VCF1: variants seen among roughly 807,000 people sequenced by gnomAD.
The protein encoded by VCF1 is protein VCF1.
chr17:73,209,819 G>A, the VCF1 span: 1 of 1,532,886 alleles, frequency 6.5e-7, no homozygotes, highest in Non-Finnish European at 8.7e-7. Context: ...TTTTGTTTAA[G>A]AGCTTTACTG....
chr17:73,232,020 C>G, the VCF1 span: 2,753 of 1,473,742 alleles, frequency 1.9e-3, 49 homozygotes, highest in African/African-American at 0.034. Context: ...CCATTTCGCG[C>G]GCCCCCTCGG....
the VCF1 span, among the ~76,000 whole-genome samples, chr17:73,231,934 C>G: frequency 6.6e-6 from 1 of 152,182 alleles, no homozygotes; most frequent in Non-Finnish European, 1.5e-5. Context: ...ATCACTCGCG[C>G]ATCCCTCTCC....
the VCF1 span, among the ~76,000 whole-genome samples, chr17:73,224,914 GGA>G: frequency 1.3e-5 from 2 of 149,910 alleles, no homozygotes; most frequent in African/African-American, 2.5e-5. Context: ...GGACAGGACA[GGA>G]CAGGACAGGA....
the VCF1 span, chr17:73,207,417 T>C: frequency 7.9e-6 from 6 of 763,274 alleles, no homozygotes; most frequent in South Asian, 1.5e-5. Flanking sequence ...AAGGTTTTAC[T>C]AGCTTGAGCT....
the VCF1 span, among the ~76,000 whole-genome samples, chr17:73,224,889 G>A: frequency 7.7e-6 from 1 of 130,324 alleles, no homozygotes; most frequent in Non-Finnish European, 1.6e-5. Flanking sequence ...GCACAGCACA[G>A]GACAGGACAG....
the VCF1 span, among the ~76,000 whole-genome samples, chr17:73,219,144 T>C: frequency 6.7e-6 from 1 of 148,298 alleles, no homozygotes; most frequent in African/African-American, 2.5e-5. Flanking sequence ...TGAGCCAAGA[T>C]TGTGCCATAG....
chr17:73,226,764 T>C, the VCF1 span, among the ~76,000 whole-genome samples: 3 of 152,198 alleles, frequency 2.0e-5, no homozygotes, highest in African/African-American at 4.8e-5. Flanking sequence ...ACCTTACATA[T>C]TTTACATGCT....
chr17:73,212,249 A>C, the VCF1 span, among the ~76,000 whole-genome samples: 1 of 152,090 alleles, frequency 6.6e-6, no homozygotes, highest in East Asian at 1.9e-4. Flanking sequence ...TTGACCAAAA[A>C]TTACATCCAA....
the VCF1 span, chr17:73,232,224 C>A: frequency 6.2e-7 from 1 of 1,611,466 alleles, no homozygotes; most frequent in Non-Finnish European, 8.5e-7. Context: ...CGCAGCCGCT[C>A]GGGTGGACGC....
chr17:73,209,794 G>A, the VCF1 span: 5 of 1,537,506 alleles, frequency 3.3e-6, no homozygotes, highest in Non-Finnish European at 4.4e-6. Context: ...AAGAAACAGG[G>A]TCACAATAAG....
At chr17:73,210,290 G>C in the VCF1 span, among the ~76,000 whole-genome samples, 3 of 152,044 alleles carry the variant, frequency 2.0e-5, no homozygotes, top group East Asian at 5.8e-4. Flanking sequence ...TGTAACTGCA[G>C]GACACAGACC....
At chr17:73,232,255 C>A in the VCF1 span, 1 of 1,611,260 alleles carries the variant, frequency 6.2e-7, no homozygotes, top group Non-Finnish European at 8.5e-7. Context: ...GAGTACCCCT[C>A]AGTCGGACCC....
chr17:73,209,854 A>AAT, the VCF1 span: 2 of 1,504,380 alleles, frequency 1.3e-6, no homozygotes, highest in East Asian at 4.9e-5. Context: ...GCGCTCTATT[A>AAT]AGAGTACCTT....
At chr17:73,219,453 T>C in the VCF1 span, among the ~76,000 whole-genome samples, 1 of 151,046 alleles carries the variant, frequency 6.6e-6, no homozygotes, top group African/African-American at 2.4e-5. Flanking sequence ...ATTGAGACCA[T>C]CCTGGCGAAC....
At chr17:73,229,867 CAAAAAAAAAAAAA>C in the VCF1 span, among the ~76,000 whole-genome samples, 13 of 22,624 alleles carry the variant, frequency 5.7e-4, no homozygotes, top group Admixed American at 1.4e-3. Flanking sequence ...GACTCCATCT[CAAAAAAAAAAAAA>C]AAAAAAAAAA....
the VCF1 span, among the ~76,000 whole-genome samples, chr17:73,213,308 T>C: frequency 6.6e-6 from 1 of 151,978 alleles, no homozygotes; most frequent in Non-Finnish European, 1.5e-5. Flanking sequence ...ACAACCTAAA[T>C]GTCTAATAGA....
the VCF1 span, among the ~76,000 whole-genome samples, chr17:73,230,067 C>G: frequency 6.6e-6 from 1 of 151,862 alleles, no homozygotes; most frequent in Non-Finnish European, 1.5e-5. Context: ...GATGCCGAGG[C>G]GGGTGGATCC....
At chr17:73,217,836 G>T in the VCF1 span, among the ~76,000 whole-genome samples, 4 of 151,938 alleles carry the variant, frequency 2.6e-5, no homozygotes, top group Non-Finnish European at 5.9e-5. Flanking sequence ...GCCGGGCGTG[G>T]AGGCGTGCGC....
chr17:73,219,390 C>G, the VCF1 span, among the ~76,000 whole-genome samples: 15 of 151,794 alleles, frequency 9.9e-5, no homozygotes, highest in East Asian at 2.7e-3. Context: ...GTGGCTCATG[C>G]CTGTAATCCC....
Sources: gnomAD v4.1 joint callset for allele counts (sites outside exome capture counted in the v4.1 genomes callset) on GRCh38, gnomAD v4.1.1 for gene constraint, MANE v1.5 for transcripts, NCBI Gene and HGNC (gene_info 2026-07-23, HGNC 2026-07-21) for gene names.